Variants in INTS4 observed in about 807,000 individuals in gnomAD.
The protein encoded by INTS4 is integrator complex subunit 4.
Under a neutral mutation model 119.5 loss-of-function variants are expected in INTS4, and 70 were observed. The ratio of observed to expected loss-of-function variants is 0.59; its 90% CI spans 0.48 to 0.71. The LOEUF (loss-of-function observed/expected upper bound fraction) is 0.71, where lower values mean the gene tolerates loss of function less well. INTS4 is among the 30% of genes least tolerant of loss of function. The pLI is 0.00. For missense variants in INTS4, 867 were observed against 1,173.2 expected (o/e 0.74, Z 3.81); for synonymous variants, 316 against 419.6 (o/e 0.75, Z 3.02).
chr11:77,977,548 A>C (rs1211903427), intron 4 of INTS4, among the ~76,000 whole-genome samples: 1 of 152,022 alleles, frequency 6.6e-6, no homozygotes, highest in Admixed American at 6.5e-5. Flanking sequence ...CATACAGAAA[A>C]AAAATCAGAA....
intron 4 of INTS4, among the ~76,000 whole-genome samples, chr11:77,965,612 T>G (rs1855469498): frequency 6.6e-6 from 1 of 152,252 alleles, no homozygotes; most frequent in Admixed American, 6.5e-5. Context: ...CTTATGTCAC[T>G]TAGTATGTCT....
Position 77,938,816 on chromosome 11 carries a change from T to C in INTS4, c.1000A>G (p.Thr334Ala), listed in dbSNP as rs1441876130. ...KLMSDLRRKR[T>A]AHERAKELYS... ...AGTTCCTTGGCACGCTCATGTGCAG[T>C]ACGTTTCCTCTGCAGAGGACAACAA... The change falls in exon 10 of 23, where the codon ACT becomes GCT. Residue 334 changes from threonine to alanine, a missense_variant. By Grantham distance (58) the Thr-to-Ala change is moderately conservative. Transcript: ENST00000534064. 1.2e-6 allele frequency: 2 copies of C among 1,611,086 alleles called. No individual in the cohort carries two copies. The highest frequency in any genetic ancestry group is 1.7e-6 in the Non-Finnish European group (2 of 1,179,440).
At position 77,878,742 on chromosome 11, in the gene INTS4, G is replaced by A. The variant is rs1479566625; in HGVS notation, c.*207C>T. On this transcript the variant is annotated 3_prime_UTR_variant, in exon 23 of 23. Transcript: ENST00000534064. ...AGCTTGGTGTTTTCTCAACTTTATT[G>A]TGGACAGGAGAAGGGTAAGTAGACT... The A allele has an allele frequency of 1.4e-5, 10 of 695,088 alleles. No homozygotes were observed. Among genetic ancestry groups the A allele is most frequent in the Non-Finnish European group, 2.3e-5 (9 of 383,600 alleles). 43.1% of individuals were successfully genotyped at this position (695,088 alleles called of 1,614,324 possible). A position where few individuals can be genotyped will look rare whatever the true frequency, so the allele number is the denominator to read the frequency against.
intron 4 of INTS4, among the ~76,000 whole-genome samples, chr11:77,975,773 T>C (rs559349633): frequency 7.4e-4 from 113 of 151,988 alleles, no homozygotes; most frequent in African/African-American, 2.7e-3. Context: ...CTGGCTAACA[T>C]GGTGAAACCC....
chr11:77,952,618 C>T (rs900877729), intron 8 of INTS4, among the ~76,000 whole-genome samples: 1 of 151,988 alleles, frequency 6.6e-6, no homozygotes, highest in East Asian at 1.9e-4. Flanking sequence ...ATTATTTTTT[C>T]TGAATACAAA....
At chr11:77,939,930 A>G (rs1028092603) in intron 9 of INTS4, among the ~76,000 whole-genome samples, 2 of 152,294 alleles carry the variant, frequency 1.3e-5, no homozygotes, top group Non-Finnish European at 2.9e-5. Context: ...CAAAATCACC[A>G]AAGTCATTAT....
In INTS4 at chr11:77,981,592, C is replaced by A; in HGVS notation, c.247-16G>T. Reference sequence around the variant, plus strand: ...GATCATTCTCCTGGAAAAAAAGAAGCAATTGTCACTTTGATGCTTTACACT... The same window carrying A: ...GATCATTCTCCTGGAAAAAAAGAAGAAATTGTCACTTTGATGCTTTACACT... On this transcript the variant is annotated splice_polypyrimidine_tract_variant and intron_variant, in intron 2 of 22. Coordinates refer to ENST00000534064, the MANE Select transcript of INTS4 (RefSeq NM_033547.4). 2 of 1,407,904 alleles carry A rather than the reference C, an allele frequency of 1.4e-6. No individual in the cohort carries two copies. The highest frequency in any genetic ancestry group is 1.8e-4 in the Middle Eastern group (1 of 5,572). The allele number at this position is 1,407,904 out of a possible 1,614,324, so 87.2% of individuals were successfully genotyped here.
At chr11:77,913,805 C>CT (rs1369929175) in intron 15 of INTS4, among the ~76,000 whole-genome samples, 1 of 152,138 alleles carries the variant, frequency 6.6e-6, no homozygotes, top group Non-Finnish European at 1.5e-5. Flanking sequence ...AAACAGGGCA[C>CT]TGTGTATGAC....
At chr11:77,933,532 G>A (rs1953711871) in intron 10 of INTS4, among the ~76,000 whole-genome samples, 1 of 152,176 alleles carries the variant, frequency 6.6e-6, no homozygotes, top group Non-Finnish European at 1.5e-5. Flanking sequence ...AGTGCTCAAT[G>A]TTGCCCAGGC....
intron 15 of INTS4, among the ~76,000 whole-genome samples, chr11:77,917,848 G>C: frequency 6.6e-6 from 1 of 151,754 alleles, no homozygotes. Flanking sequence ...CATTCTTCCT[G>C]AGTATTAGAG....
At chr11:77,951,906 G>T (rs1442854025) in intron 8 of INTS4, among the ~76,000 whole-genome samples, 2 of 151,962 alleles carry the variant, frequency 1.3e-5, no homozygotes, top group Non-Finnish European at 2.9e-5. Context: ...AAAAGACACA[G>T]GAAAAAATGC....
intron 18 of INTS4, among the ~76,000 whole-genome samples, chr11:77,900,282 GT>G (rs1289741759): frequency 6.6e-6 from 1 of 152,058 alleles, no homozygotes; most frequent in East Asian, 1.9e-4. Context: ...TGTATTTTTA[GT>G]AGAGACAGGG....
intron 14 of INTS4, 71 bp from the exon 15 acceptor site, chr11:77,919,049 T>A: frequency 1.3e-6 from 2 of 1,503,052 alleles, no homozygotes; most frequent in Non-Finnish European, 1.8e-6. Flanking sequence ...CACAAACACA[T>A]AAAAGCACAT....
intron 18 of INTS4, among the ~76,000 whole-genome samples, chr11:77,899,777 G>A (rs1952697111): frequency 6.6e-5 from 10 of 152,144 alleles, no homozygotes; most frequent in Middle Eastern, 3.4e-3. Flanking sequence ...TATAATGCTC[G>A]GTGAAAGGAA....
At chr11:77,961,216 A>C (rs1025268529) in intron 4 of INTS4, 78 bp from the exon 5 acceptor site, 2 of 1,429,364 alleles carry the variant, frequency 1.4e-6, no homozygotes, top group Non-Finnish European at 1.8e-6. Context: ...AAACACAGAC[A>C]AGACCAGAAA....
At chr11:77,983,108 T>C (rs1308535503) in intron 2 of INTS4, among the ~76,000 whole-genome samples, 2 of 152,192 alleles carry the variant, frequency 1.3e-5, no homozygotes, top group African/African-American at 4.8e-5. Flanking sequence ...TCTTAAACAA[T>C]TAACCTCTCT....
At chr11:77,899,542 T>C (rs1394075771) in intron 18 of INTS4, among the ~76,000 whole-genome samples, 1 of 151,832 alleles carries the variant, frequency 6.6e-6, no homozygotes, top group Non-Finnish European at 1.5e-5. Flanking sequence ...TGGTGTTGCA[T>C]GCCTGTAATC....
At position 77,956,211 on chromosome 11, in the gene INTS4, C is replaced by A. The variant is rs550305097; in HGVS notation, c.798-149G>T. ...ATTGCTTGAGCCCAAGAGTTCAAGACCAACCTGAGCAATATGGCAAAACCT... is the reference window on the plus strand; with the variant it reads ...ATTGCTTGAGCCCAAGAGTTCAAGAACAACCTGAGCAATATGGCAAAACCT... On this transcript the variant is annotated intron_variant, in intron 7 of 22. Transcript: ENST00000534064. The A allele has an allele frequency of 5.8e-5, 43 of 735,202 alleles. No homozygotes were observed. In the South Asian group the frequency reaches 8.0e-4, roughly 14 times the overall value. The allele number at this position is 735,202 out of a possible 1,614,324, so 45.5% of individuals were successfully genotyped here. A position where few individuals can be genotyped will look rare whatever the true frequency, so the allele number is the denominator to read the frequency against.
intron 18 of INTS4, among the ~76,000 whole-genome samples, chr11:77,899,690 A>G (rs1952693870): frequency 6.6e-6 from 1 of 152,074 alleles, no homozygotes; most frequent in East Asian, 1.9e-4. Flanking sequence ...AAAAAGAAAA[A>G]TATAAAATAT....
Sources: gnomAD v4.1 joint callset for allele counts (sites outside exome capture counted in the v4.1 genomes callset) on GRCh38, gnomAD v4.1.1 for gene constraint, MANE v1.5 for transcripts, NCBI Gene and HGNC (gene_info 2026-07-23, HGNC 2026-07-21) for gene names.